DCBLD1: variants seen among roughly 807,000 people sequenced by gnomAD.
DCBLD1 encodes the protein discoidin, CUB and LCCL domain containing 1, also known as discoidin, CUB and LCCL domain-containing protein 1.
A neutral mutation model predicts 71.5 loss-of-function variants in DCBLD1; 57 were observed. The ratio of observed to expected loss-of-function variants is 0.80; its 90% CI spans 0.64 to 0.99. The LOEUF is 0.99. Ranked by LOEUF, DCBLD1 falls within the 50% of genes least tolerant of loss-of-function variation. DCBLD1 has a pLI of 0.00. For synonymous variants in DCBLD1, 380 were observed against 363.8 expected (o/e 1.04, Z -0.51); for missense variants, 891 against 923.5 (o/e 0.96, Z 0.46).
intron 1 of DCBLD1, among the ~76,000 whole-genome samples, chr6:117,487,377 G>C (rs971756573): frequency 9.9e-5 from 15 of 152,188 alleles, no homozygotes; most frequent in Admixed American, 8.5e-4. Context: ...TGTAATCCCA[G>C]CACTTTGGGT....
At chr6:117,531,998 C>G (rs1024741417) in intron 5 of DCBLD1, among the ~76,000 whole-genome samples, 12 of 152,180 alleles carry the variant, frequency 7.9e-5, no homozygotes, top group African/African-American at 2.9e-4. Context: ...CATCATATGG[C>G]AGGTTAACTG....
At chr6:117,520,023 C>A in intron 3 of DCBLD1, 73 bp downstream of exon 3, 1 of 1,587,516 alleles carries the variant, frequency 6.3e-7, no homozygotes, top group Non-Finnish European at 8.6e-7. Flanking sequence ...TTATCCCCAT[C>A]CCTGGACATA....
chr6:117,567,116 CT>C, intron 14 of DCBLD1: 1 of 1,000,758 alleles, frequency 1.0e-6, no homozygotes, highest in Non-Finnish European at 1.4e-6. Flanking sequence ...TGTGGGAAGG[CT>C]TAGGGGTAGA....
At position 117,518,954 on chromosome 6, in the gene DCBLD1, A is replaced by C. The variant is rs576504764; in HGVS notation, c.326-862A>C. 2.0e-5 allele frequency among the ~76,000 whole-genome samples: 3 copies of C among 152,120 alleles called. No homozygotes were observed. The South Asian group carries it at 6.2e-4, about 32-fold the overall frequency. ...CTTTTATTCTTCTTCCTTCATCATG[A>C]TTGTTGTTGCCGCTGACTATTTCCA... On this transcript the variant is annotated intron_variant, in intron 2 of 14. Coordinates refer to ENST00000338728, the MANE Select transcript of DCBLD1 (RefSeq NM_001366458.2).
intron 6 of DCBLD1, among the ~76,000 whole-genome samples, chr6:117,533,454 G>A (rs999020935): frequency 1.1e-4 from 16 of 152,110 alleles, no homozygotes; most frequent in East Asian, 3.8e-4. Context: ...CAAGTTAGTC[G>A]GCATAGATAT....
chr6:117,549,096 C>T lies in DCBLD1; in HGVS notation c.*657C>T, dbSNP rs1490571413. 1 of 985,804 alleles carries T rather than the reference C, an allele frequency of 1.0e-6. No homozygotes were observed. The highest frequency in any genetic ancestry group is 1.1e-4 in the East Asian group (1 of 8,824). The allele number at this position is 985,804 out of a possible 1,614,324, so 61.1% of individuals were successfully genotyped here. ...AAAAACAAGCAAAGAAACAACACCT[C>T]AGCAGCTGCCCGTTTCCTTAGTCTC... On this transcript the variant is annotated 3_prime_UTR_variant, in exon 15 of 15. Coordinates refer to ENST00000338728, the MANE Select transcript of DCBLD1 (RefSeq NM_001366458.2).
chr6:117,547,008 G>C (rs1027063731), intron 14 of DCBLD1, among the ~76,000 whole-genome samples: 1 of 152,122 alleles, frequency 6.6e-6, no homozygotes, highest in Admixed American at 6.5e-5. Context: ...CCTCTCATTG[G>C]TAACAAATTC....
chr6:117,506,682 G>A (rs1315594140), intron 2 of DCBLD1, among the ~76,000 whole-genome samples: 1 of 152,220 alleles, frequency 6.6e-6, no homozygotes, highest in East Asian at 1.9e-4. Flanking sequence ...TTCCTGTGCA[G>A]CTGTTGCCCA....
chr6:117,510,655 T>G (rs757674206), intron 2 of DCBLD1, among the ~76,000 whole-genome samples: 30 of 152,212 alleles, frequency 2.0e-4, no homozygotes, highest in Non-Finnish European at 3.4e-4. Flanking sequence ...GGACTGAGAT[T>G]ATAAGTAGCT....
At chr6:117,530,491 C>A (rs1042412566) in intron 5 of DCBLD1, among the ~76,000 whole-genome samples, 3 of 152,184 alleles carry the variant, frequency 2.0e-5, no homozygotes, top group African/African-American at 7.2e-5. Flanking sequence ...TTGCCCACTC[C>A]TCACCTCCTG....
At chr6:117,554,033 G>A (rs1779464651), downstream of DCBLD1, among the ~76,000 whole-genome samples, 1 of 152,198 alleles carries the variant, frequency 6.6e-6, no homozygotes, top group Non-Finnish European at 1.5e-5. Flanking sequence ...TTACAACAGT[G>A]TCTGACCCAT....
chr6:117,491,454 C>CT (rs1490859008), intron 1 of DCBLD1, among the ~76,000 whole-genome samples: 7 of 152,082 alleles, frequency 4.6e-5, no homozygotes, highest in Non-Finnish European at 8.8e-5. Context: ...TCAGAAGGGT[C>CT]TACAAGTCTT....
At chr6:117,558,328 T>C (rs1004726790) in intron 14 of DCBLD1, among the ~76,000 whole-genome samples, 1 of 152,186 alleles carries the variant, frequency 6.6e-6, no homozygotes, top group Non-Finnish European at 1.5e-5. Context: ...AATCCTGCTG[T>C]AACCGGCCAA....
chr6:117,548,157 C>T lies in DCBLD1; in HGVS notation c.1866C>T (p.Arg622=), dbSNP rs1231293066. ...CGTTCTCTGCGCAGAGCGGCTACCGCGTCCCAGGGCCCCAGCCCGGCCACA... is the reference window on the plus strand; with the variant it reads ...CGTTCTCTGCGCAGAGCGGCTACCGTGTCCCAGGGCCCCAGCCCGGCCACA... ...AHTFSAQSGY[R]VPGPQPGHKH... The change falls in exon 15 of 15, where the codon CGC becomes CGT. Residue 622 remains arginine (R), a synonymous_variant. Coordinates refer to ENST00000338728, the MANE Select transcript of DCBLD1 (RefSeq NM_001366458.2). 1 of 1,550,034 alleles carries T rather than the reference C, an allele frequency of 6.5e-7. No individual in the cohort carries two copies.
At position 117,540,919 on chromosome 6, in the gene DCBLD1, TA is replaced by T; in HGVS notation, c.1253del (p.Asn418MetfsTer37). The T allele has an allele frequency of 1.2e-6, 2 of 1,614,164 alleles. No homozygotes were observed. The highest frequency in any genetic ancestry group is 2.7e-5 in the African/African-American group (2 of 75,036). ...TTCCCGACATCCCTCCTCTCTCAGG[TA>T]ATGATTCATTGGTGTGGCGCAAGAC... ...ELIGCQITQGNDSLVWRKTSQ... is the reference protein window; with the variant it reads ...ELIGCQITQGXDSLVWRKTSQ... On this transcript the variant is annotated frameshift_variant and splice_region_variant, in exon 11 of 15. Coordinates refer to ENST00000338728, the MANE Select transcript of DCBLD1 (RefSeq NM_001366458.2). LOFTEE classifies it high-confidence loss of function.
At position 117,546,985 on chromosome 6, in the gene DCBLD1, T is replaced by A. The variant is rs145793598; in HGVS notation, c.1616-922T>A. Among the ~76,000 whole-genome samples, 1,302 of 152,330 alleles carry A rather than the reference T, an allele frequency of 8.5e-3. 19 individuals carry two copies. The highest frequency in any genetic ancestry group is 0.027 in the African/African-American group (1,131 of 41,574). On this transcript the variant is annotated intron_variant, in intron 14 of 14. Transcript: ENST00000338728. Reference sequence around the variant, plus strand: ...TCAAAGAGTCCTTGCCTCCCGGCTTTCCTCACACCCCACCTCTCATTGGTA... The same window carrying A: ...TCAAAGAGTCCTTGCCTCCCGGCTTACCTCACACCCCACCTCTCATTGGTA...
At chr6:117,491,201 G>C (rs150104642) in intron 1 of DCBLD1, among the ~76,000 whole-genome samples, 2 of 152,134 alleles carry the variant, frequency 1.3e-5, no homozygotes, top group Non-Finnish European at 2.9e-5. Context: ...AGAGAAAACT[G>C]TAGAGGCTTA....
rs145939688 is a variant in DCBLD1, at chr6:117,485,979, T to A, written c.112+3086T>A. Among the ~76,000 whole-genome samples the A allele has an allele frequency of 8.4e-4, 128 of 152,342 alleles. 1 individual carries two copies. The highest frequency in any genetic ancestry group is 3.0e-3 in the African/African-American group (123 of 41,574). ...AAACAGTGAGTTATATATTAATATT[T>A]CAGAGAAGAAAGAGGTTATGTTAAA... is the stretch of plus-strand genomic sequence containing the variant. On this transcript the variant is annotated intron_variant, in intron 1 of 14. Transcript: ENST00000338728.
chr6:117,519,641 C>T (rs1352958980), intron 2 of DCBLD1, among the ~76,000 whole-genome samples, 175 bp from the exon 3 acceptor site: 1 of 152,156 alleles, frequency 6.6e-6, no homozygotes, highest in Non-Finnish European at 1.5e-5. Flanking sequence ...GCTTAGTTCA[C>T]AATCAGTCAG....
Sources: gnomAD v4.1 joint callset for allele counts (sites outside exome capture counted in the v4.1 genomes callset) on GRCh38, gnomAD v4.1.1 for gene constraint, MANE v1.5 for transcripts, NCBI Gene and HGNC (gene_info 2026-07-23, HGNC 2026-07-21) for gene names.